The following IGSF3 variants were observed in gnomAD, a reference collection of about 807,000 sequenced individuals.
IGSF3 encodes glu-Trp-Ile EWI motif-containing protein 3.
A neutral mutation model predicts 114.4 loss-of-function variants in IGSF3; 23 were observed. The observed-to-expected ratio is 0.20, with a 90% CI of 0.14 to 0.28. The LOEUF is 0.28. Ranked by LOEUF, IGSF3 falls within the 10% of genes least tolerant of loss-of-function variation. The pLI, the probability that IGSF3 is intolerant of heterozygous loss-of-function variation, is 1.00. For synonymous variants in IGSF3, 571 were observed against 645.2 expected (o/e 0.88, Z 1.74); for missense variants, 1,172 against 1,591.5 (o/e 0.74, Z 4.48).
rs1388823139 is a variant in IGSF3, at chr1:116,600,115, T to C, written c.1855A>G (p.Ile619Val). The change falls in exon 7 of 11, where the codon ATC (isoleucine) becomes GTC (valine). Residue 619 changes from isoleucine (I) to valine (V), a missense_variant. By Grantham distance (29) the Ile-to-Val change is conservative (BLOSUM62 3). Transcript: ENST00000369486. The surrounding 1 kb of genome is among the most constrained non-coding windows in gnomAD (Gnocchi z 5.5). ...RSSSFRTRTA[I>V]EKAESSNNVR... is the part of the protein sequence containing the mutation. ...TTGTTGCTGGACTCAGCCTTCTCGA[T>C]GGCAGTTCGGGTTCGGAAGCTGGAG... The C allele has an allele frequency of 6.2e-7, 1 of 1,614,190 alleles. No homozygotes were observed. Among genetic ancestry groups the C allele is most frequent in the Non-Finnish European group, 8.5e-7 (1 of 1,180,030 alleles).
intron 2 of IGSF3, among the ~76,000 whole-genome samples, chr1:116,623,115 G>A (rs1160060481): frequency 6.6e-6 from 1 of 152,196 alleles, no homozygotes; most frequent in African/African-American, 2.4e-5. Flanking sequence ...GTCAGCCTTC[G>A]GCCAAGGAAG....
rs966671898 is a variant in IGSF3, at chr1:116,654,169, C to A, written c.43+12115G>T. ...TCTCCAAACCAACACCAAACCACTG[C>A]CAAACAAAGCTGAAGAGGAAAACCA... is the stretch of plus-strand genomic sequence containing the variant. On this transcript the variant is annotated intron_variant, in intron 2 of 10. Coordinates refer to ENST00000369486, the MANE Select transcript of IGSF3 (RefSeq NM_001007237.3). The surrounding 1 kb of genome is among the most constrained non-coding windows in gnomAD (Gnocchi z 4.4). Among the ~76,000 whole-genome samples the A allele has an allele frequency of 4.6e-5, 7 of 152,190 alleles. No individual in the cohort carries two copies. The highest frequency in any genetic ancestry group is 1.7e-4 in the African/African-American group (7 of 41,454).
At chr1:116,620,315 A>G (rs1661374093) in intron 2 of IGSF3, among the ~76,000 whole-genome samples, 1 of 152,190 alleles carries the variant, frequency 6.6e-6, no homozygotes, top group Admixed American at 6.5e-5. Context: ...TCCAAGGACA[A>G]GAAGGGGACT....
chr1:116,653,892 C>T (rs997276588), intron 2 of IGSF3, among the ~76,000 whole-genome samples: 1 of 152,230 alleles, frequency 6.6e-6, no homozygotes, highest in Non-Finnish European at 1.5e-5. Context: ...AAGCACTGGG[C>T]AGCGTGCTCA....
rs1432005954 is a variant in IGSF3 at position 116,592,278 on chromosome 1, C to A, written c.2030-3174G>T. ...GGCTTTGAGAGGCCATAAATGCAGA[C>A]GTGAAAGAAAAGAGTGAGGCTTGGT... On this transcript the variant is annotated intron_variant, in intron 7 of 10. Transcript: ENST00000369486. The surrounding 1 kb of genome is among the most constrained non-coding windows in gnomAD (Gnocchi z 4.5). Among the ~76,000 whole-genome samples the A allele has an allele frequency of 1.3e-5, 2 of 152,090 alleles. No individual in the cohort carries two copies. Among genetic ancestry groups the A allele is most frequent in the Admixed American group, 1.3e-4 (2 of 15,284 alleles).
chr1:116,614,021 G>T lies in IGSF3; in HGVS notation c.576C>A (p.Pro192=). The T allele has an allele frequency of 6.2e-7, 1 of 1,614,090 alleles. No individual in the cohort carries two copies. Among genetic ancestry groups the T allele is most frequent in the Non-Finnish European group, 8.5e-7 (1 of 1,179,976 alleles). ...AWLRQKVGEK[P]VEVISLSRDF... is the part of the protein sequence containing the mutation. ...CTCGGCTCAGGGAGATGACCTCCAC[G>T]GGCTTCTCGCCAACTTTCTGCCGGA... is the stretch of plus-strand genomic sequence containing the variant. The change falls in exon 4 of 11, where the codon CCC becomes CCA. Residue 192 remains proline, a synonymous_variant. Transcript: ENST00000369486. The surrounding 1 kb of genome is among the most constrained non-coding windows in gnomAD (Gnocchi z 4.5).
In IGSF3 at chr1:116,583,957, C is replaced by T. The variant is rs1315936329; in HGVS notation, c.2848+688G>A. Among the ~76,000 whole-genome samples the T allele has an allele frequency of 6.6e-6, 1 of 152,078 alleles. No individual in the cohort carries two copies. Among genetic ancestry groups the T allele is most frequent in the Admixed American group, 6.5e-5 (1 of 15,274 alleles). On this transcript the variant is annotated intron_variant, in intron 9 of 10. Transcript: ENST00000369486. This position sits in a 1 kb window ranked among gnomAD's most constrained non-coding sequence, Gnocchi z 4.5. ...ATCCCACCACTTTGAAAAGCCGAGG[C>T]GGTGGTGGGGGTCACGAGGTCAGGA...
rs1446488625 is a variant in IGSF3, at chr1:116,634,166, CACATGTGAATGT to C, written c.44-17721_44-17710del. Among the ~76,000 whole-genome samples the C allele has an allele frequency of 6.6e-6, 1 of 152,202 alleles. No homozygotes were observed. The highest frequency in any genetic ancestry group is 2.4e-5 in the African/African-American group (1 of 41,444). On this transcript the variant is annotated intron_variant, in intron 2 of 10. Transcript: ENST00000369486. This position sits in a 1 kb window ranked among gnomAD's most constrained non-coding sequence, Gnocchi z 4.2. Reference sequence around the variant, plus strand: ...TCCTTCGGTATCCTTTTTAATTGAACACATGTGAATGTATTACCTATTCGAAAAACAAATGAG... The same window carrying C: ...TCCTTCGGTATCCTTTTTAATTGAACATTACCTATTCGAAAAACAAATGAG...
rs916918507 is a variant in IGSF3, at chr1:116,655,456, T to C, written c.43+10828A>G. 2.0e-5 allele frequency among the ~76,000 whole-genome samples: 3 copies of C among 152,256 alleles called. No individual in the cohort carries two copies. Among genetic ancestry groups the C allele is most frequent in the Admixed American group, 6.5e-5 (1 of 15,292 alleles). ...AAACTGCTCTTGCTCCCAGAGGTTT[T>C]AAAGAAAGTCATTCCCGTGAACGTT... On this transcript the variant is annotated intron_variant, in intron 2 of 10. Coordinates refer to ENST00000369486, the MANE Select transcript of IGSF3 (RefSeq NM_001007237.3). This position sits in a 1 kb window ranked among gnomAD's most constrained non-coding sequence, Gnocchi z 4.3.
At position 116,625,532 on chromosome 1, in the gene IGSF3, TGG is replaced by T. The variant is rs1029166759; in HGVS notation, c.44-9077_44-9076del. Among the ~76,000 whole-genome samples, 1 of 152,202 alleles carries T rather than the reference TGG, an allele frequency of 6.6e-6. No individual in the cohort carries two copies. The highest frequency in any genetic ancestry group is 2.4e-5 in the African/African-American group (1 of 41,444). On this transcript the variant is annotated intron_variant, in intron 2 of 10. Coordinates refer to ENST00000369486, the MANE Select transcript of IGSF3 (RefSeq NM_001007237.3). The surrounding 1 kb of genome is among the most constrained non-coding windows in gnomAD (Gnocchi z 4.7). ...TAAAGTCAAACACCTCCTCTGGGACTGGGGAAGTTGAGAAAGAGCCTAACAGA... is the reference window on the plus strand; with the variant it reads ...TAAAGTCAAACACCTCCTCTGGGACTGGAAGTTGAGAAAGAGCCTAACAGA...
At chr1:116,643,759 G>A (rs924503505) in intron 2 of IGSF3, among the ~76,000 whole-genome samples, 2 of 152,232 alleles carry the variant, frequency 1.3e-5, no homozygotes, top group Non-Finnish European at 2.9e-5. Flanking sequence ...CAGATCCTCC[G>A]ATCCCTGTGA....
rs1033873308 is a variant in IGSF3, at chr1:116,579,286, G to T, written c.3334+106C>A. ...TCAAATCCTACTAATAAATGCCCAT[G>T]ACAGTTAAGAAAACTGTTTATTAAC... On this transcript the variant is annotated intron_variant, in intron 10 of 10. Transcript: ENST00000369486. This position sits in a 1 kb window ranked among gnomAD's most constrained non-coding sequence, Gnocchi z 6.4. The T allele has an allele frequency of 7.3e-7, 1 of 1,374,648 alleles. No homozygotes were observed. Among genetic ancestry groups the T allele is most frequent in the Middle Eastern group, 1.9e-4 (1 of 5,316 alleles). 85.2% of individuals were successfully genotyped at this position (1,374,648 alleles called of 1,614,324 possible).
At position 116,628,589 on chromosome 1, in the gene IGSF3, G is replaced by A. The variant is rs927133626; in HGVS notation, c.44-12132C>T. 6.6e-6 allele frequency among the ~76,000 whole-genome samples: 1 copy of A among 152,128 alleles called. No individual in the cohort carries two copies. Among genetic ancestry groups the A allele is most frequent in the African/African-American group, 2.4e-5 (1 of 41,400 alleles). On this transcript the variant is annotated intron_variant, in intron 2 of 10. Coordinates refer to ENST00000369486, the MANE Select transcript of IGSF3 (RefSeq NM_001007237.3). This position sits in a 1 kb window ranked among gnomAD's most constrained non-coding sequence, Gnocchi z 4.2. ...ACCATTCCCCACCAAGAGTGTGGGT[G>A]GCAGGCACCCTGAAATATGTCTAGC... is the stretch of plus-strand genomic sequence containing the variant.
chr1:116,637,454 C>CAAA (rs1647885068), intron 2 of IGSF3, among the ~76,000 whole-genome samples: 1 of 152,148 alleles, frequency 6.6e-6, no homozygotes, highest in African/African-American at 2.4e-5. Context: ...ATTTCCTTTC[C>CAAA]CTGTGTCTTA....
rs977650709 is a variant in IGSF3, at chr1:116,600,590, T to G, written c.1625-245A>C. On this transcript the variant is annotated intron_variant, in intron 6 of 10. Transcript: ENST00000369486. This position sits in a 1 kb window ranked among gnomAD's most constrained non-coding sequence, Gnocchi z 5.5. ...GCAGCACTAGCCTAACCCTTCCCAG[T>G]GAGATCCTCGTGCATTTGCTCCTCC... is the stretch of plus-strand genomic sequence containing the variant. Among the ~76,000 whole-genome samples the G allele has an allele frequency of 6.6e-6, 1 of 152,108 alleles. No individual in the cohort carries two copies. The highest frequency in any genetic ancestry group is 1.5e-5 in the Non-Finnish European group (1 of 68,026).
Position 116,624,171 on chromosome 1 carries a change from T to C in IGSF3, c.44-7714A>G, listed in dbSNP as rs1254143637. ...GTGAACAATGATTGTGCCACTGCACTCCAGCCTGGGTGACAGAGCGAGATC... is the reference window on the plus strand; with the variant it reads ...GTGAACAATGATTGTGCCACTGCACCCCAGCCTGGGTGACAGAGCGAGATC... On this transcript the variant is annotated intron_variant, in intron 2 of 10. Coordinates refer to ENST00000369486, the MANE Select transcript of IGSF3 (RefSeq NM_001007237.3). This position sits in a 1 kb window ranked among gnomAD's most constrained non-coding sequence, Gnocchi z 4.9. Among the ~76,000 whole-genome samples the C allele has an allele frequency of 6.7e-6, 1 of 150,034 alleles. No individual in the cohort carries two copies. Among genetic ancestry groups the C allele is most frequent in the Non-Finnish European group, 1.5e-5 (1 of 67,734 alleles).
Position 116,584,854 on chromosome 1 carries a change from T to C in IGSF3, c.2639A>G (p.Glu880Gly), listed in dbSNP as rs2101331257. 6.2e-7 allele frequency: 1 copy of C among 1,614,202 alleles called. No individual in the cohort carries two copies. Among genetic ancestry groups the C allele is most frequent in the Admixed American group, 1.7e-5 (1 of 60,028 alleles). Residue 880 changes from glutamate (E) to glycine (G), a missense_variant, in exon 9 of 11, where the codon GAG becomes GGG. Physicochemically the swap from Glu to Gly is moderately conservative, Grantham distance 98. This residue lies in a region of IGSF3 where 423 missense variants were observed against 509.8 expected (regional missense o/e 0.83). Transcript: ENST00000369486. The surrounding 1 kb of genome is among the most constrained non-coding windows in gnomAD (Gnocchi z 5.8). Reference protein sequence around the residue: ...LSRDATFHYGEQAAKNNLKGR... With the variant: ...LSRDATFHYGGQAAKNNLKGR... ...CTTCAGATTGTTCTTGGCTGCCTGC[T>C]CTCCATAGTGGAAGGTGGCGTCACG...
chr1:116,578,095 G>A (rs758595240), intron 10 of IGSF3, among the ~76,000 whole-genome samples: 6 of 152,274 alleles, frequency 3.9e-5, no homozygotes, highest in South Asian at 2.1e-4. Context: ...CAGTGTGTCC[G>A]TGGCCACAAA....
chr1:116,580,150 G>A (rs946111970), intron 9 of IGSF3, among the ~76,000 whole-genome samples: 3 of 152,144 alleles, frequency 2.0e-5, no homozygotes, highest in African/African-American at 7.2e-5. Context: ...AAATATCTGT[G>A]GAAGAATTCA....
Sources: allele counts gnomAD v4.1 joint callset (sites outside exome capture counted in the v4.1 genomes callset), GRCh38; gene constraint gnomAD v4.1.1; regional missense constraint gnomAD v4.1.1; non-coding constraint Gnocchi (gnomAD v3.1); transcripts MANE v1.5; gene names NCBI Gene and HGNC (gene_info 2026-07-23, HGNC 2026-07-21).